The following PELI2 variants were observed in gnomAD, a reference collection of about 807,000 sequenced individuals.
PELI2 encodes the protein E3 ubiquitin-protein ligase pellino homolog 2.
A neutral mutation model predicts 42.3 loss-of-function variants in PELI2; 23 were observed. The observed-to-expected ratio is 0.54, with a 90% CI of 0.39 to 0.77. The LOEUF (loss-of-function observed/expected upper bound fraction) is 0.77. Among genes scored for constraint, PELI2 ranks in the 30% least tolerant of loss-of-function variants. PELI2 has a pLI of 0.00. For synonymous variants in PELI2, 245 were observed against 212.2 expected, an observed-to-expected ratio of 1.15 and a Z score of -1.34; for missense variants, 463 against 553.2, an observed-to-expected ratio of 0.84 and a Z score of 1.64.
chr14:56,274,673 G>A (rs1370402948), intron 2 of PELI2, among the ~76,000 whole-genome samples: 152 of 152,162 alleles, frequency 1.0e-3, no homozygotes, highest in Non-Finnish European at 2.8e-4. Flanking sequence ...GTTGAAGCAG[G>A]ACAGCCAGTT....
rs1304815542 is a variant in PELI2, at chr14:56,274,350, A to G, written c.208-5326A>G. Reference sequence around the variant, plus strand: ...ACTATAATAAATTAATATTTTCTGGATATGTGTTAGTTTCTCTATTGGCTT... The same window carrying G: ...ACTATAATAAATTAATATTTTCTGGGTATGTGTTAGTTTCTCTATTGGCTT... On this transcript the variant is annotated intron_variant, in intron 2 of 5. Transcript: ENST00000267460. Among the ~76,000 whole-genome samples the G allele has an allele frequency of 3.9e-5, 6 of 152,326 alleles. No individual in the cohort carries two copies. In the South Asian group the frequency reaches 1.0e-3, roughly 26 times the overall value.
chr14:56,212,350 T>A (rs1235151391), intron 2 of PELI2, among the ~76,000 whole-genome samples: 1 of 152,240 alleles, frequency 6.6e-6, no homozygotes, highest in Non-Finnish European at 1.5e-5. Context: ...TATTTCCCCC[T>A]GAACTCTCCT....
intron 1 of PELI2, among the ~76,000 whole-genome samples, chr14:56,172,759 C>T (rs960941723): frequency 9.2e-5 from 14 of 152,214 alleles, no homozygotes; most frequent in African/African-American, 3.1e-4. Flanking sequence ...GGGTTGGAGG[C>T]ATTTGCTTGT....
At chr14:56,218,780 A>G (rs1887009844) in intron 2 of PELI2, among the ~76,000 whole-genome samples, 1 of 152,126 alleles carries the variant, frequency 6.6e-6, no homozygotes. Context: ...AATTGCCAAG[A>G]TGATTACAGA....
chr14:56,292,413 G>A (rs1351397141), intron 5 of PELI2, among the ~76,000 whole-genome samples: 2 of 152,148 alleles, frequency 1.3e-5, no homozygotes, highest in South Asian at 2.1e-4. Context: ...TTGAACTTCT[G>A]TTTCAATTCA....
At chr14:56,134,761 A>C (rs540821431) in intron 1 of PELI2, among the ~76,000 whole-genome samples, 61 of 150,684 alleles carry the variant, frequency 4.0e-4, no homozygotes, top group Non-Finnish European at 7.1e-4. Flanking sequence ...GGAACCAGTA[A>C]TCTTGTCAGT....
In PELI2 at chr14:56,219,007, A is replaced by G. The variant is rs1887022564; in HGVS notation, c.207+40543A>G. Reference sequence around the variant, plus strand: ...TTTTACCTGGATTTATAAAATGCCCAGTCCTTATACTCTTGAGCATGACCA... The same window carrying G: ...TTTTACCTGGATTTATAAAATGCCCGGTCCTTATACTCTTGAGCATGACCA... On this transcript the variant is annotated intron_variant, in intron 2 of 5. Coordinates refer to ENST00000267460, the MANE Select transcript of PELI2 (RefSeq NM_021255.3). This position sits in a 1 kb window ranked among gnomAD's most constrained non-coding sequence, Gnocchi z 4.1. Among the ~76,000 whole-genome samples the G allele has an allele frequency of 6.6e-6, 1 of 152,172 alleles. No individual in the cohort carries two copies. Among genetic ancestry groups the G allele is most frequent in the African/African-American group, 2.4e-5 (1 of 41,440 alleles).
rs577491941 is a variant in PELI2, at chr14:56,180,796, A to G, written c.207+2332A>G. Among the ~76,000 whole-genome samples the G allele has an allele frequency of 6.6e-6, 1 of 152,118 alleles. No homozygotes were observed. Among genetic ancestry groups the G allele is most frequent in the African/African-American group, 2.4e-5 (1 of 41,504 alleles). ...TCATCCCTGCCAGCTGTGCCAGGCC[A>G]CTGCTGCTGCTGGGTCTGCTCTGTT... On this transcript the variant is annotated intron_variant, in intron 2 of 5. Coordinates refer to ENST00000267460, the MANE Select transcript of PELI2 (RefSeq NM_021255.3). The surrounding 1 kb of genome is among the most constrained non-coding windows in gnomAD (Gnocchi z 4.4).
intron 2 of PELI2, among the ~76,000 whole-genome samples, chr14:56,274,281 A>T (rs934057049): frequency 6.6e-6 from 1 of 152,224 alleles, no homozygotes; most frequent in African/African-American, 2.4e-5. Flanking sequence ...ATAAAGGCTC[A>T]CTTAGCAGCC....
chr14:56,181,244 T>A (rs1257825921), intron 2 of PELI2, among the ~76,000 whole-genome samples: 2 of 152,100 alleles, frequency 1.3e-5, no homozygotes, highest in Non-Finnish European at 2.9e-5. Flanking sequence ...CCTCTCCAGG[T>A]ATATCTTAAT....
At chr14:56,223,083 A>G (rs1758320457) in intron 2 of PELI2, among the ~76,000 whole-genome samples, 2 of 152,194 alleles carry the variant, frequency 1.3e-5, no homozygotes, top group South Asian at 4.1e-4. Flanking sequence ...TGGTCCTCCC[A>G]GTGACCCCTG....
At chr14:56,121,098 A>G (rs1162430602) in intron 1 of PELI2, among the ~76,000 whole-genome samples, 1 of 152,298 alleles carries the variant, frequency 6.6e-6, no homozygotes, top group Non-Finnish European at 1.5e-5. Context: ...TCTTTATGAT[A>G]TTATCTTTAT....
intron 2 of PELI2, among the ~76,000 whole-genome samples, chr14:56,236,703 T>C (rs976908842): frequency 6.6e-6 from 1 of 152,164 alleles, no homozygotes; most frequent in Admixed American, 6.5e-5. Context: ...GCCTTTGCTT[T>C]TCCCAGGTGA....
At chr14:56,252,427 G>T (rs1423870983) in intron 2 of PELI2, among the ~76,000 whole-genome samples, 1 of 152,188 alleles carries the variant, frequency 6.6e-6, no homozygotes, top group South Asian at 2.1e-4. Flanking sequence ...AGAAAATATA[G>T]TTGTAAAGTT....
chr14:56,250,809 G>C (rs892254644), intron 2 of PELI2, among the ~76,000 whole-genome samples: 1 of 152,080 alleles, frequency 6.6e-6, no homozygotes, highest in African/African-American at 2.4e-5. Context: ...GGCACCCACC[G>C]AACAATACTT....
At chr14:56,279,652 A>AT (rs775424014) in intron 2 of PELI2, 24 bp from the exon 3 acceptor site, 8 of 1,350,446 alleles carry the variant, frequency 5.9e-6, no homozygotes, top group Non-Finnish European at 6.3e-6. Flanking sequence ...ATTGTAATGG[A>AT]TTTTTTTAAA....
chr14:56,119,007 G>A (rs1882959388), intron 1 of PELI2: 3 of 200,784 alleles, frequency 1.5e-5, no homozygotes, highest in Admixed American at 1.2e-4. Context: ...CCCAGCGGGG[G>A]CAGCGCCGGG....
chr14:56,123,516 G>A (rs1017711313), intron 1 of PELI2, among the ~76,000 whole-genome samples: 20 of 152,152 alleles, frequency 1.3e-4, no homozygotes, highest in Admixed American at 1.3e-3. Flanking sequence ...GGTGTTACTG[G>A]CTTTGAGTTG....
chr14:56,280,705 A>G (rs1259174276), intron 3 of PELI2, among the ~76,000 whole-genome samples: 1 of 152,170 alleles, frequency 6.6e-6, no homozygotes, highest in Non-Finnish European at 1.5e-5. Context: ...GAGAATTCAT[A>G]TTCTTGGAAT....
Sources: gnomAD v4.1 joint callset for allele counts (sites outside exome capture counted in the v4.1 genomes callset) on GRCh38, gnomAD v4.1.1 for gene constraint, Gnocchi (gnomAD v3.1) non-coding constraint, MANE v1.5 for transcripts, NCBI Gene and HGNC (gene_info 2026-07-23, HGNC 2026-07-21) for gene names.